AFF2: variants seen among roughly 807,000 people sequenced by gnomAD.
AFF2 encodes AF4/FMR2 family member 2.
In AFF2, 14 loss-of-function variants were observed where a neutral mutation model predicts 76.9. That is an observed-to-expected ratio of 0.18 (90% CI 0.12 to 0.28). The LOEUF (loss-of-function observed/expected upper bound fraction) is 0.28. Among genes scored for constraint, AFF2 ranks in the 10% least tolerant of loss-of-function variants. The pLI is 1.00. For synonymous variants in AFF2, 398 were observed against 366.7 expected (o/e 1.09, Z -0.98); for missense variants, 868 against 1,001.1 (o/e 0.87, Z 1.79).
intron 1 of AFF2, among the ~76,000 whole-genome samples, chrX:148,580,228 C>T (rs1233513292): frequency 9.0e-6 from 1 of 111,271 alleles, no homozygotes; most frequent in Admixed American, 9.6e-5. Context: ...CTCCTATTTG[C>T]CAGATGGCTG....
chrX:148,702,420 C>T (rs2054811489), intron 3 of AFF2, among the ~76,000 whole-genome samples: 1 of 111,528 alleles, frequency 9.0e-6, no homozygotes, highest in Non-Finnish European at 1.9e-5. Context: ...AAAAGAAATG[C>T]CATTTCCAGG....
chrX:148,714,774 G>A (rs1489712333), intron 3 of AFF2, among the ~76,000 whole-genome samples: 4 of 111,874 alleles, frequency 3.6e-5, no homozygotes, highest in Non-Finnish European at 7.5e-5. Context: ...TCCCTAGCCA[G>A]ATTGACACAT....
intron 3 of AFF2, among the ~76,000 whole-genome samples, chrX:148,712,915 T>C (rs1476190070): frequency 1.8e-5 from 2 of 111,462 alleles, no homozygotes; most frequent in African/African-American, 6.5e-5. Flanking sequence ...ATAAAATATG[T>C]AGGATGATGA....
chrX:148,947,244 G>A (rs1394627756), intron 9 of AFF2, among the ~76,000 whole-genome samples: 2 of 112,155 alleles, frequency 1.8e-5, no homozygotes, highest in African/African-American at 3.2e-5. Context: ...GATCACAACT[G>A]GACCATAATC....
chrX:148,750,767 GA>G (rs1165258793), intron 3 of AFF2, among the ~76,000 whole-genome samples: 1 of 112,083 alleles, frequency 8.9e-6, no homozygotes, highest in Non-Finnish European at 1.9e-5. Context: ...TTAAAAAAAT[GA>G]GATGGTGAAA....
At chrX:148,543,018 A>G (rs1179561430) in intron 1 of AFF2, among the ~76,000 whole-genome samples, 1 of 111,804 alleles carries the variant, frequency 8.9e-6, no homozygotes, top group Non-Finnish European at 1.9e-5. Flanking sequence ...GGTGTTAGCA[A>G]ATGGTTGCAT....
At chrX:148,823,097 G>T (rs1457681204) in intron 4 of AFF2, among the ~76,000 whole-genome samples, 1 of 111,572 alleles carries the variant, frequency 9.0e-6, no homozygotes, top group African/African-American at 3.3e-5. Context: ...TGCTTTTGAT[G>T]CAAAAGTGAA....
chrX:148,798,438 G>T (rs1381535386), intron 3 of AFF2, among the ~76,000 whole-genome samples: 1 of 112,284 alleles, frequency 8.9e-6, no homozygotes, highest in Non-Finnish European at 1.9e-5. Flanking sequence ...CTAATGCTTA[G>T]CTTAGTGCAC....
chrX:148,804,193 C>T (rs1275268946), intron 3 of AFF2, among the ~76,000 whole-genome samples: 41 of 111,614 alleles, frequency 3.7e-4, no homozygotes, highest in African/African-American at 1.3e-3. Flanking sequence ...CACAAAAATC[C>T]TAGAAGTGGA....
intron 7 of AFF2, among the ~76,000 whole-genome samples, chrX:148,869,897 C>T (rs1456399478): frequency 9.0e-6 from 1 of 111,119 alleles, no homozygotes; most frequent in African/African-American, 3.3e-5. Flanking sequence ...TGCAAATTGC[C>T]CCTTTTTATA....
chrX:148,868,459 G>A (rs1469785413), intron 7 of AFF2, among the ~76,000 whole-genome samples: 1 of 112,088 alleles, frequency 8.9e-6, no homozygotes, highest in Non-Finnish European at 1.9e-5. Flanking sequence ...GGTAGGGATA[G>A]AGAAGAGAGG....
intron 1 of AFF2, among the ~76,000 whole-genome samples, chrX:148,519,107 A>G (rs1557234195): frequency 1.8e-5 from 2 of 111,578 alleles, no homozygotes; most frequent in African/African-American, 6.5e-5. Flanking sequence ...TTGTCATTTT[A>G]ATGGCACCTT....
At chrX:148,631,799 T>C (rs1410258777) in intron 1 of AFF2, among the ~76,000 whole-genome samples, 1 of 112,020 alleles carries the variant, frequency 8.9e-6, no homozygotes, top group African/African-American at 3.2e-5. Context: ...ACAGCTCTTT[T>C]AATAACGGCC....
chrX:148,843,238 G>A (rs1333285060), intron 6 of AFF2, 144 bp from the exon 7 acceptor site: 2 of 515,217 alleles, frequency 3.9e-6, no homozygotes, highest in South Asian at 4.2e-5. Context: ...TATCTAACTG[G>A]TTCCCCCCCT....
chrX:148,875,207 A>C (rs897359929), intron 7 of AFF2, among the ~76,000 whole-genome samples: 3 of 112,262 alleles, frequency 2.7e-5, no homozygotes, highest in African/African-American at 9.7e-5. Context: ...AGCCCCTTCT[A>C]AAACAATCCT....
chrX:148,543,079 AT>A (rs1206023217), intron 1 of AFF2, among the ~76,000 whole-genome samples: 1 of 111,563 alleles, frequency 9.0e-6, no homozygotes, highest in East Asian at 2.8e-4. Context: ...CCAGGACTGG[AT>A]CCGGGCCTCC....
At position 148,956,429 on chromosome X, in the gene AFF2, A is replaced by G; in HGVS notation, c.2384A>G (p.His795Arg). 1 of 1,211,339 alleles carries G rather than the reference A, an allele frequency of 8.3e-7. No homozygotes were observed. The highest frequency in any genetic ancestry group is 1.1e-6 in the Non-Finnish European group (1 of 895,136). ...QTEILSPLRD[H>R]ENLKNLWVKI... ...GAAATCCTGTCCCCTCTGCGAGATC[A>G]TGAGAACCTGAAAAACCTCTGGGTG... The change falls in exon 11 of 21, where the codon CAT becomes CGT. Residue 795 changes from histidine (H) to arginine (R), a missense_variant. Physicochemically the swap from His to Arg is conservative, Grantham distance 29. Coordinates refer to ENST00000370460, the MANE Select transcript of AFF2 (RefSeq NM_002025.4).
intron 9 of AFF2, among the ~76,000 whole-genome samples, chrX:148,917,997 C>T (rs1177915044): frequency 7.2e-5 from 8 of 111,653 alleles, no homozygotes; most frequent in Non-Finnish European, 1.5e-4. Flanking sequence ...TCTCCTCCCT[C>T]GGGGGTTGCG....
chrX:148,823,030 G>T (rs1415868379), intron 4 of AFF2, among the ~76,000 whole-genome samples: 2 of 111,129 alleles, frequency 1.8e-5, no homozygotes, highest in African/African-American at 6.6e-5. Flanking sequence ...CTCCAACTTT[G>T]CAGCCTCCTC....
Sources: gnomAD v4.1 joint callset for allele counts (sites outside exome capture counted in the v4.1 genomes callset) on GRCh38, gnomAD v4.1.1 for gene constraint, MANE v1.5 for transcripts, NCBI Gene and HGNC (gene_info 2026-07-23, HGNC 2026-07-21) for gene names.